The following CLUAP1 variants were observed in gnomAD, a reference collection of about 807,000 sequenced individuals.
CLUAP1 encodes the protein intraflagellar transport 38, also known as clusterin-associated protein 1.
CLUAP1 carries 50 observed loss-of-function variants against 55.0 expected under a neutral mutation model. The ratio of observed to expected loss-of-function variants is 0.91; its 90% CI spans 0.72 to 1.15. The LOEUF is 1.15. Ranked by LOEUF, CLUAP1 falls within the 50% of genes most tolerant of loss-of-function variation. CLUAP1 has a pLI of 0.00. For missense variants in CLUAP1, 530 were observed against 507.6 expected (o/e 1.04, Z -0.42); for synonymous variants, 195 against 175.4 (o/e 1.11, Z -0.88).
intron 4 of CLUAP1, among the ~76,000 whole-genome samples, chr16:3,509,192 C>A (rs1266456067): frequency 6.6e-6 from 1 of 152,132 alleles, no homozygotes; most frequent in Non-Finnish European, 1.5e-5. Context: ...CCCAGGCAGT[C>A]AAGCCATGTT....
At chr16:3,500,594 C>G (rs1395701394), upstream of CLUAP1, among the ~76,000 whole-genome samples, 1 of 152,180 alleles carries the variant, frequency 6.6e-6, no homozygotes, top group African/African-American at 2.4e-5. Flanking sequence ...TGGTCTCGAA[C>G]TCCTGACCTC....
chr16:3,526,729 G>T (rs2037951667), intron 9 of CLUAP1, among the ~76,000 whole-genome samples: 1 of 151,588 alleles, frequency 6.6e-6, no homozygotes, highest in Non-Finnish European at 1.5e-5. Flanking sequence ...TTCTATATTG[G>T]GTACCATTGT....
intron 8 of CLUAP1, among the ~76,000 whole-genome samples, chr16:3,525,432 G>A (rs771376697): frequency 2.0e-5 from 3 of 152,032 alleles, no homozygotes; most frequent in Admixed American, 2.0e-4. Context: ...GCTCTCTGTC[G>A]TTAGAATACC....
In CLUAP1 at chr16:3,530,650, G is replaced by A. The variant is rs1323924102; in HGVS notation, c.1011G>A (p.Gln337=). ...AAGAAAGGCGGCTGCCCAAGCCACA[G>A]ACAGCCATGGAGATGCTCATGCAAG... ...ELEERRLPKP[Q]TAMEMLMQGR... The change falls in exon 10 of 12, where the codon CAG becomes CAA. Residue 337 remains glutamine (Q), a synonymous_variant. Coordinates refer to ENST00000576634, the MANE Select transcript of CLUAP1 (RefSeq NM_015041.3). 3 of 1,613,986 alleles carry A rather than the reference G, an allele frequency of 1.9e-6. No homozygotes were observed. The African/African-American group carries it at 4.0e-5, about 22-fold the overall frequency.
intron 6 of CLUAP1, among the ~76,000 whole-genome samples, chr16:3,516,087 T>C (rs1275658759): frequency 6.6e-6 from 1 of 152,186 alleles, no homozygotes; most frequent in Non-Finnish European, 1.5e-5. Flanking sequence ...TGTGTGATAT[T>C]AGGCAAGTTA....
chr16:3,510,573 G>A (rs2037604851), intron 4 of CLUAP1, among the ~76,000 whole-genome samples: 1 of 152,220 alleles, frequency 6.6e-6, no homozygotes, highest in Admixed American at 6.5e-5. Flanking sequence ...GGGTCTTGGG[G>A]CAGCCGTGCG....
chr16:3,522,674 C>T (rs1261099574), intron 7 of CLUAP1, among the ~76,000 whole-genome samples: 2 of 152,058 alleles, frequency 1.3e-5, no homozygotes, highest in Non-Finnish European at 2.9e-5. Context: ...CTTCAGCCTC[C>T]CAAAGTGCTA....
At chr16:3,500,775 G>A, upstream of CLUAP1, 1 of 494,920 alleles carries the variant, frequency 2.0e-6, no homozygotes, top group Non-Finnish European at 3.6e-6. Flanking sequence ...GTCACCCAGC[G>A]CGAAACGTCC....
intron 3 of CLUAP1, among the ~76,000 whole-genome samples, chr16:3,507,089 G>A (rs943667863): frequency 2.6e-5 from 4 of 151,754 alleles, no homozygotes; most frequent in East Asian, 2.0e-4. Flanking sequence ...CCAGCTACTC[G>A]GGAGGCTGAG....
chr16:3,506,893 T>C (rs946607003), intron 3 of CLUAP1, among the ~76,000 whole-genome samples: 3 of 152,202 alleles, frequency 2.0e-5, no homozygotes, highest in Non-Finnish European at 4.4e-5. Context: ...TTTAATTCAT[T>C]ATTTGTTAAG....
At chr16:3,503,588 C>T (rs2037449185) in intron 1 of CLUAP1, among the ~76,000 whole-genome samples, 3 of 150,516 alleles carry the variant, frequency 2.0e-5, no homozygotes, top group Admixed American at 1.3e-4. Context: ...GAACCACCCG[C>T]GCCTGGCCTT....
At chr16:3,509,121 G>C (rs945972096) in intron 4 of CLUAP1, among the ~76,000 whole-genome samples, 1 of 152,058 alleles carries the variant, frequency 6.6e-6, no homozygotes, top group Non-Finnish European at 1.5e-5. Flanking sequence ...TTAGCTAGGC[G>C]TGGTGGTACA....
At chr16:3,529,785 TAA>T (rs2038066890) in intron 9 of CLUAP1, among the ~76,000 whole-genome samples, 3 of 61,466 alleles carry the variant, frequency 4.9e-5, no homozygotes, top group South Asian at 4.0e-4. Context: ...ATATATTATA[TAA>T]TATATATTAT....
chr16:3,529,815 A>T (rs1404474635), intron 9 of CLUAP1, among the ~76,000 whole-genome samples: 1 of 31,862 alleles, frequency 3.1e-5, no homozygotes, highest in Non-Finnish European at 5.1e-5. Context: ...TATATATATT[A>T]TAATATAATA....
intron 7 of CLUAP1, among the ~76,000 whole-genome samples, chr16:3,522,454 G>A (rs980615693): frequency 3.3e-5 from 5 of 152,144 alleles, no homozygotes; most frequent in African/African-American, 7.2e-5. Context: ...GTGCGCCACC[G>A]CACCCGGCCA....
upstream of CLUAP1, among the ~76,000 whole-genome samples, chr16:3,498,266 C>G (rs2037334060): frequency 6.6e-6 from 1 of 151,900 alleles, no homozygotes; most frequent in Admixed American, 6.6e-5. Context: ...TGGATGATGC[C>G]CACCACACTG....
upstream of CLUAP1, among the ~76,000 whole-genome samples, chr16:3,497,315 G>C (rs1471518573): frequency 1.3e-5 from 2 of 151,818 alleles, no homozygotes; most frequent in African/African-American, 4.8e-5. Flanking sequence ...TGTATTTCTA[G>C]ATACTAGCAA....
rs762077865 is a variant in CLUAP1 at position 3,532,859 on chromosome 16, C to T, written c.1092+18C>T. On this transcript the variant is annotated intron_variant, in intron 11 of 11. Transcript: ENST00000576634. ...ATGACAATGTAAGTCCCCCGCTCCC[C>T]TCAGTGGTTCTGTGCACTCTGGGTT... The T allele has an allele frequency of 3.1e-6, 5 of 1,613,658 alleles. No individual in the cohort carries two copies. In the African/African-American group the frequency reaches 6.7e-5, roughly 22 times the overall value.
intron 9 of CLUAP1, among the ~76,000 whole-genome samples, chr16:3,529,518 TA>T (rs2038025907): frequency 1.6e-5 from 1 of 63,290 alleles, no homozygotes; most frequent in African/African-American, 7.4e-5. Flanking sequence ...ATTATATAAT[TA>T]TATATTATTA....
Sources: gnomAD v4.1 joint callset for allele counts (sites outside exome capture counted in the v4.1 genomes callset) on GRCh38, gnomAD v4.1.1 for gene constraint, MANE v1.5 for transcripts, NCBI Gene and HGNC (gene_info 2026-07-23, HGNC 2026-07-21) for gene names.